The following CDCP1 variants were observed in gnomAD, a reference collection of about 807,000 sequenced individuals.
CDCP1 encodes CUB domain containing protein 1, also known as CUB domain-containing protein 1.
In CDCP1, 29 loss-of-function variants were observed where a neutral mutation model predicts 60.2. That is an observed-to-expected ratio of 0.48 (90% CI 0.36 to 0.66). CDCP1 has a LOEUF of 0.66. CDCP1 is among the 30% of genes least tolerant of loss of function. The pLI, the probability that CDCP1 is intolerant of heterozygous loss-of-function variation, is 0.00. For missense variants in CDCP1, 876 were observed against 1,074.3 expected (o/e 0.82, Z 2.58); for synonymous variants, 387 against 431.1 (o/e 0.90, Z 1.27).
intron 5 of CDCP1, among the ~76,000 whole-genome samples, chr3:45,094,166 C>T (rs1698355451): frequency 6.6e-6 from 1 of 152,092 alleles, no homozygotes; most frequent in Non-Finnish European, 1.5e-5. Flanking sequence ...TAAGAGCACA[C>T]ATCAGAAGTC....
intron 1 of CDCP1, among the ~76,000 whole-genome samples, chr3:45,130,195 C>T (rs1482140169): frequency 6.6e-6 from 1 of 151,510 alleles, no homozygotes; most frequent in Non-Finnish European, 1.5e-5. Context: ...GATCTTGGCT[C>T]ACTGCAGCTT....
chr3:45,110,588 C>A lies in CDCP1; in HGVS notation c.909G>T (p.Gly303=). 2 of 1,614,192 alleles carry A rather than the reference C, an allele frequency of 1.2e-6. No individual in the cohort carries two copies. The highest frequency in any genetic ancestry group is 1.7e-6 in the Non-Finnish European group (2 of 1,180,032). The change falls in exon 4 of 9, where the codon GGG becomes GGT. Residue 303 remains glycine, a synonymous_variant. Coordinates refer to ENST00000296129, the MANE Select transcript of CDCP1 (RefSeq NM_022842.5). ...AGAGGTTGAAGTTCCCCGCCATGTT[C>A]CCAGGCTGCTTGTCCTCCAGCTTGA... ...EVFKLEDKQP[G]NMAGNFNLSL...
intron 4 of CDCP1, among the ~76,000 whole-genome samples, chr3:45,103,495 T>C (rs1698516802): frequency 6.6e-6 from 1 of 152,228 alleles, no homozygotes; most frequent in East Asian, 1.9e-4. Context: ...CTTGAGTAAA[T>C]ACCTAGGTCT....
rs1553610965 is a variant in CDCP1 at position 45,126,108 on chromosome 3, C to CTTTCTTTCTTTCTTTCTT, written c.83-7488_83-7487insAAGAAAGAAAGAAAGAAA. Among the ~76,000 whole-genome samples the CTTTCTTTCTTTCTTTCTT allele has an allele frequency of 4.0e-3, 437 of 110,000 alleles. 3 individuals carry two copies. The highest frequency in any genetic ancestry group is 5.6e-3 in the Non-Finnish European group (301 of 53,858). 72.2% of individuals were successfully genotyped at this position (110,000 alleles called of 152,430 possible). ...AACTGCTGCCATTCTTTGTCTCTCT[C>CTTTCTTTCTTTCTTTCTT]TCTTTCTTTCTTTCTTTCTTTCTTT... On this transcript the variant is annotated intron_variant, in intron 1 of 8. Transcript: ENST00000296129.
intron 7 of CDCP1, 111 bp from the exon 8 acceptor site, chr3:45,089,252 T>C (rs774926895): frequency 1.5e-5 from 12 of 780,412 alleles, no homozygotes; most frequent in African/African-American, 3.4e-5. Flanking sequence ...TGGAGCGCCA[T>C]ACATGTGGCT....
chr3:45,107,078 T>A lies in CDCP1; in HGVS notation c.1024+3395A>T, dbSNP rs994712056. 1.4e-4 allele frequency among the ~76,000 whole-genome samples: 21 copies of A among 152,112 alleles called. 2 individuals are homozygous for A. Among genetic ancestry groups the A allele is most frequent in the Admixed American group, 7.2e-4 (11 of 15,270 alleles). On this transcript the variant is annotated intron_variant, in intron 4 of 8. Coordinates refer to ENST00000296129, the MANE Select transcript of CDCP1 (RefSeq NM_022842.5). ...AGTATTCCTACCAGCTGCGGTCCACTCTCCTGCCTCCAACCTCACCACATG... is the reference window on the plus strand; with the variant it reads ...AGTATTCCTACCAGCTGCGGTCCACACTCCTGCCTCCAACCTCACCACATG...
chr3:45,133,447 G>C (rs918230942), intron 1 of CDCP1, among the ~76,000 whole-genome samples: 2 of 137,022 alleles, frequency 1.5e-5, no homozygotes, highest in African/African-American at 5.5e-5. Context: ...GGCTGGGCAT[G>C]GTGGCTCACG....
chr3:45,097,600 A>G (rs553330294), intron 4 of CDCP1, among the ~76,000 whole-genome samples: 1 of 152,086 alleles, frequency 6.6e-6, no homozygotes, highest in Non-Finnish European at 1.5e-5. Flanking sequence ...AATATCACCC[A>G]TCAGCGCCGG....
chr3:45,085,361 A>AG lies in CDCP1; in HGVS notation c.*276dup. The AG allele has an allele frequency of 7.5e-6, 3 of 400,992 alleles. No homozygotes were observed. Among genetic ancestry groups the AG allele is most frequent in the Non-Finnish European group, 1.4e-5 (3 of 219,802 alleles). 24.8% of individuals were successfully genotyped at this position (400,992 alleles called of 1,614,324 possible). On this transcript the variant is annotated 3_prime_UTR_variant, in exon 9 of 9. Coordinates refer to ENST00000296129, the MANE Select transcript of CDCP1 (RefSeq NM_022842.5). This position sits in a 1 kb window ranked among gnomAD's most constrained non-coding sequence, Gnocchi z 4.2. Reference sequence around the variant, plus strand: ...GCTGCAACCCTATGCTAGGTGACTCAGGCCTCTCTCCTCTCATTACAGGCT... The same window carrying AG: ...GCTGCAACCCTATGCTAGGTGACTCAGGGCCTCTCTCCTCTCATTACAGGCT...
At chr3:45,116,899 T>A (rs1279680597) in intron 2 of CDCP1, among the ~76,000 whole-genome samples, 1 of 152,244 alleles carries the variant, frequency 6.6e-6, no homozygotes. Context: ...GAAAACGTTA[T>A]ACACAGTCTC....
chr3:45,092,502 C>T lies in CDCP1; in HGVS notation c.1627+775G>A, dbSNP rs370921418. Among the ~76,000 whole-genome samples the T allele has an allele frequency of 3.9e-4, 60 of 152,310 alleles. 1 individual carries two copies. In the South Asian group the frequency reaches 0.012, roughly 31 times the overall value. ...ATGTGTCTTATTTGCAAAGACTCCT[C>T]AGAAGGAGTTTCTCTGGTAACCTTG... On this transcript the variant is annotated intron_variant, in intron 6 of 8. Transcript: ENST00000296129.
At position 45,084,631 on chromosome 3, in the gene CDCP1, T is replaced by A. The variant is rs114177479; in HGVS notation, c.*1007A>T. On this transcript the variant is annotated 3_prime_UTR_variant, in exon 9 of 9. Coordinates refer to ENST00000296129, the MANE Select transcript of CDCP1 (RefSeq NM_022842.5). ...GCCTTCAGAAGGAGCACAGCTCTGC[T>A]GACACCTTGATTTTCATTCAGGGAC... 1 of 152,708 alleles carries A rather than the reference T, an allele frequency of 6.5e-6. No homozygotes were observed. The highest frequency in any genetic ancestry group is 2.4e-5 in the African/African-American group (1 of 41,592). The allele number at this position is 152,708 out of a possible 1,614,324, so 9.5% of individuals were successfully genotyped here.
At chr3:45,141,200 C>CA (rs34539415) in intron 1 of CDCP1, among the ~76,000 whole-genome samples, 30,584 of 144,690 alleles carry the variant, frequency 0.21, 3,428 homozygotes, top group South Asian at 0.38. Context: ...GACTCCGTCT[C>CA]AAAAAAAAAA....
chr3:45,130,570 G>T (rs1463823103), intron 1 of CDCP1, among the ~76,000 whole-genome samples: 1 of 152,178 alleles, frequency 6.6e-6, no homozygotes, highest in Non-Finnish European at 1.5e-5. Flanking sequence ...TGGGCATAAG[G>T]TCTCATCCAC....
intron 2 of CDCP1, among the ~76,000 whole-genome samples, chr3:45,116,603 G>C (rs920887563): frequency 6.6e-6 from 1 of 152,142 alleles, no homozygotes; most frequent in Non-Finnish European, 1.5e-5. Flanking sequence ...CCTGGCTCAC[G>C]GGCCTAAGAC....
intron 4 of CDCP1, among the ~76,000 whole-genome samples, chr3:45,108,924 TATGCATGTATAC>T (rs1258984693): frequency 1.6e-5 from 1 of 63,856 alleles, no homozygotes; most frequent in East Asian, 4.0e-4. Flanking sequence ...TATATATATA[TATGCATGTATAC>T]ATATATATAT....
chr3:45,102,486 C>T (rs773111065), intron 4 of CDCP1, among the ~76,000 whole-genome samples: 2 of 151,562 alleles, frequency 1.3e-5, no homozygotes, highest in South Asian at 4.2e-4. Flanking sequence ...CTTAACCTTT[C>T]GATATATATC....
At chr3:45,112,527 G>C in intron 2 of CDCP1, 82 bp from the exon 3 acceptor site, 1 of 1,536,354 alleles carries the variant, frequency 6.5e-7, no homozygotes, top group Non-Finnish European at 8.8e-7. Context: ...TCAGCCCCCT[G>C]TAGTAGACTC....
intron 4 of CDCP1, among the ~76,000 whole-genome samples, chr3:45,107,365 C>A (rs1226038885): frequency 3.3e-5 from 5 of 152,048 alleles, no homozygotes; most frequent in Admixed American, 6.6e-5. Context: ...TGCCACCACG[C>A]CCGGCTAATT....
Sources: allele counts gnomAD v4.1 joint callset (sites outside exome capture counted in the v4.1 genomes callset), GRCh38; gene constraint gnomAD v4.1.1; non-coding constraint Gnocchi (gnomAD v3.1); transcripts MANE v1.5; gene names NCBI Gene and HGNC (gene_info 2026-07-23, HGNC 2026-07-21).